Variants in MTMR9 observed in about 807,000 individuals in gnomAD.
MTMR9 encodes myotubularin related protein 9.
In MTMR9, 39 loss-of-function variants were observed where a neutral mutation model predicts 69.5. That is an observed-to-expected ratio of 0.56 (90% CI 0.43 to 0.73). The LOEUF is 0.73. MTMR9 is among the 30% of genes least tolerant of loss of function. The probability of loss-of-function intolerance (pLI) is 0.00; values close to 1 mark genes in which losing one functional copy is unlikely to be tolerated. For synonymous variants in MTMR9, 354 were observed against 240.8 expected (o/e 1.47, Z -4.35); for missense variants, 900 against 671.2 (o/e 1.34, Z -3.77).
Position 11,325,833 on chromosome 8 carries a change from C to CCTATAAATAA in MTMR9, c.*3045_*3046insCTATAAATAA, listed in dbSNP as rs1800908527. On this transcript the variant is annotated 3_prime_UTR_variant, in exon 10 of 10. Coordinates refer to ENST00000221086, the MANE Select transcript of MTMR9 (RefSeq NM_015458.4). The stretch of plus-strand genomic sequence containing the variant: ...ATAGTAAAATTCAGTAGGTTTAAAA[C>CCTATAAATAA]AATCTATAAATGTATTTTATTTCCA... The CCTATAAATAA allele has an allele frequency of 1.3e-5, 2 of 151,962 alleles. No homozygotes were observed. Among genetic ancestry groups the CCTATAAATAA allele is most frequent in the Non-Finnish European group, 2.9e-5 (2 of 68,006 alleles). 9.4% of individuals were successfully genotyped at this position (151,962 alleles called of 1,614,324 possible).
intron 2 of MTMR9, among the ~76,000 whole-genome samples, chr8:11,296,722 CTGAG>C (rs932602491): frequency 6.6e-6 from 1 of 152,050 alleles, no homozygotes; most frequent in African/African-American, 2.4e-5. Flanking sequence ...CTTTTTAAGG[CTGAG>C]TAATATTCCA....
At chr8:11,328,268 A>G (rs541024128), downstream of MTMR9, 87 of 152,224 alleles carry the variant, frequency 5.7e-4, no homozygotes, top group African/African-American at 2.0e-3. Flanking sequence ...AAAGGCTGCA[A>G]AATAGTACAC....
At position 11,327,089 on chromosome 8, in the gene MTMR9, T is replaced by A. The variant is rs994294507; in HGVS notation, c.*4301T>A. 1 of 152,196 alleles carries A rather than the reference T, an allele frequency of 6.6e-6. No individual in the cohort carries two copies. Among genetic ancestry groups the A allele is most frequent in the Non-Finnish European group, 1.5e-5 (1 of 68,036 alleles). 9.4% of individuals were successfully genotyped at this position (152,196 alleles called of 1,614,324 possible). ...TTTTCTTTATTTTCTTGAATAAAAT[T>A]ACTTCTACCTTCATTTGGTCTTTAT... On this transcript the variant is annotated 3_prime_UTR_variant, in exon 10 of 10. Transcript: ENST00000221086.
intron 9 of MTMR9, chr8:11,321,305 C>T (rs1012367219): frequency 5.1e-6 from 2 of 395,458 alleles, no homozygotes; most frequent in African/African-American, 4.2e-5. Context: ...TGATTGTCGT[C>T]ACAGTCAGTA....
intron 5 of MTMR9, among the ~76,000 whole-genome samples, chr8:11,307,795 T>C (rs1265219710): frequency 3.3e-5 from 5 of 152,198 alleles, no homozygotes; most frequent in Admixed American, 3.3e-4. Flanking sequence ...TCTCTGTTGA[T>C]GAGTGATGCA....
downstream of MTMR9, chr8:11,330,817 A>G (rs559812339): frequency 5.5e-5 from 27 of 489,642 alleles, no homozygotes; most frequent in East Asian, 8.8e-4. Flanking sequence ...AAAACCAGAG[A>G]CCTTTGTTCA....
At position 11,322,726 on chromosome 8, in the gene MTMR9, A is replaced by C. The variant is rs1282446851; in HGVS notation, c.1588A>C (p.Asn530His). The change falls in exon 10 of 10, where the codon AAT becomes CAT. Residue 530 changes from asparagine to histidine, a missense_variant. By Grantham distance (68) the Asn-to-His change is moderately conservative. Coordinates refer to ENST00000221086, the MANE Select transcript of MTMR9 (RefSeq NM_015458.4). Reference protein sequence around the residue: ...EYNKELQAKVNILRRQLAELE... With the variant: ...EYNKELQAKVHILRRQLAELE... Reference sequence around the variant, plus strand: ...TAATAAAGAATTACAAGCAAAAGTCAATATCCTTCGAAGGCAGTTGGCAGA... The same window carrying C: ...TAATAAAGAATTACAAGCAAAAGTCCATATCCTTCGAAGGCAGTTGGCAGA... The C allele has an allele frequency of 1.2e-6, 2 of 1,614,026 alleles. No individual in the cohort carries two copies. Among genetic ancestry groups the C allele is most frequent in the African/African-American group, 1.3e-5 (1 of 74,938 alleles).
chr8:11,291,736 T>G lies in MTMR9; in HGVS notation c.183-3458T>G, dbSNP rs191712924. On this transcript the variant is annotated intron_variant, in intron 1 of 9. Coordinates refer to ENST00000221086, the MANE Select transcript of MTMR9 (RefSeq NM_015458.4). ...ACAAAACAAAATTCACCTTACAAAA[T>G]GAGTTAGTATGACAAGCATAGATGA... Among the ~76,000 whole-genome samples, 418 of 152,210 alleles carry G rather than the reference T, an allele frequency of 2.7e-3. 1 individual carries two copies. The highest frequency in any genetic ancestry group is 9.5e-3 in the African/African-American group (396 of 41,552).
Position 11,325,435 on chromosome 8 carries a change from A to G in MTMR9, c.*2647A>G, listed in dbSNP as rs746684261. Reference sequence around the variant, plus strand: ...ACACTTGAATGAAGAGAATGGTGGCAGAATGAGTGAGCAAGCAGATTGCCC... The same window carrying G: ...ACACTTGAATGAAGAGAATGGTGGCGGAATGAGTGAGCAAGCAGATTGCCC... On this transcript the variant is annotated 3_prime_UTR_variant, in exon 10 of 10. Transcript: ENST00000221086. The G allele has an allele frequency of 1.3e-5, 2 of 152,232 alleles. No individual in the cohort carries two copies. Among genetic ancestry groups the G allele is most frequent in the African/African-American group, 4.8e-5 (2 of 41,460 alleles). 9.4% of individuals were successfully genotyped at this position (152,232 alleles called of 1,614,324 possible).
intron 2 of MTMR9, among the ~76,000 whole-genome samples, chr8:11,298,422 G>A (rs1338026521): frequency 6.6e-6 from 1 of 151,992 alleles, no homozygotes; most frequent in Non-Finnish European, 1.5e-5. Flanking sequence ...GGATTATACA[G>A]CCATGCTTCT....
At chr8:11,301,235 C>G (rs959332539) in intron 3 of MTMR9, among the ~76,000 whole-genome samples, 2 of 152,100 alleles carry the variant, frequency 1.3e-5, no homozygotes. Flanking sequence ...GTCAAAACAG[C>G]TTTGAGAAAA....
Position 11,327,375 on chromosome 8 carries a change from A to G in MTMR9, c.*4587A>G, listed in dbSNP as rs1309976806. 1 of 152,254 alleles carries G rather than the reference A, an allele frequency of 6.6e-6. No individual in the cohort carries two copies. The highest frequency in any genetic ancestry group is 1.5e-5 in the Non-Finnish European group (1 of 68,048). The allele number at this position is 152,254 out of a possible 1,614,324, so 9.4% of individuals were successfully genotyped here. The stretch of plus-strand genomic sequence containing the variant: ...ACTGACTTCTAGAGCCATTCTCTTT[A>G]ACCGTCTGCAGGTCTAAGGATTAAC... On this transcript the variant is annotated 3_prime_UTR_variant, in exon 10 of 10. Transcript: ENST00000221086.
chr8:11,334,236 T>C, the MTMR9 span, among the ~76,000 whole-genome samples: 4 of 152,164 alleles, frequency 2.6e-5, no homozygotes, highest in African/African-American at 7.2e-5. Flanking sequence ...GTAAATACAA[T>C]GGCAAACATA....
chr8:11,332,377 C>T (rs1200194878), downstream of MTMR9, among the ~76,000 whole-genome samples: 3 of 152,090 alleles, frequency 2.0e-5, no homozygotes, highest in East Asian at 5.8e-4. Context: ...GAATCCCAGA[C>T]TTTGGACTTA....
intron 5 of MTMR9, among the ~76,000 whole-genome samples, chr8:11,307,252 A>C (rs1248756147): frequency 6.6e-6 from 1 of 152,014 alleles, no homozygotes; most frequent in Non-Finnish European, 1.5e-5. Context: ...TTGTATTTTT[A>C]GCAGAGACCA....
intron 6 of MTMR9, among the ~76,000 whole-genome samples, chr8:11,314,713 T>C (rs945524677): frequency 6.6e-6 from 1 of 152,248 alleles, no homozygotes; most frequent in Admixed American, 6.5e-5. Context: ...AGTCGTATTT[T>C]TTCCCAAGAG....
downstream of MTMR9, chr8:11,331,098 C>A: frequency 6.3e-7 from 1 of 1,583,664 alleles, no homozygotes; most frequent in Non-Finnish European, 8.6e-7. Flanking sequence ...GGAGAAAGTC[C>A]AAGGAAAGAT....
intron 8 of MTMR9, chr8:11,319,428 T>G: frequency 2.2e-6 from 1 of 450,390 alleles, no homozygotes; most frequent in Middle Eastern, 6.1e-4. Flanking sequence ...CCAAACCTGA[T>G]GTGACCAGAT....
At chr8:11,292,289 T>C (rs1799402155) in intron 1 of MTMR9, among the ~76,000 whole-genome samples, 1 of 152,226 alleles carries the variant, frequency 6.6e-6, no homozygotes, top group Admixed American at 6.5e-5. Context: ...GTTTTTAATA[T>C]TCTTATGCAA....
Sources: allele counts gnomAD v4.1 joint callset (sites outside exome capture counted in the v4.1 genomes callset), GRCh38; gene constraint gnomAD v4.1.1; transcripts MANE v1.5; gene names NCBI Gene and HGNC (gene_info 2026-07-23, HGNC 2026-07-21).